LIPJ: variants seen among roughly 807,000 people sequenced by gnomAD.
The protein encoded by LIPJ is lipase member J.
LIPJ carries 33 observed loss-of-function variants against 39.8 expected under a neutral mutation model. That is an observed-to-expected ratio of 0.83 (90% confidence interval 0.63 to 1.11). LIPJ has a LOEUF of 1.11. Among genes scored for constraint, LIPJ ranks in the 50% least tolerant of loss-of-function variants. LIPJ has a pLI of 0.00. For missense variants in LIPJ, 422 were observed against 427.9 expected (o/e 0.99, Z 0.12); for synonymous variants, 128 against 139.2 (o/e 0.92, Z 0.57).
At chr10:88,592,854 G>A (rs1375961643) in intron 4 of LIPJ, 1 of 151,836 alleles carries the variant, frequency 6.6e-6, no homozygotes, top group Non-Finnish European at 1.5e-5. Context: ...TGCCTGATGA[G>A]CAATAGTAAA....
exon 6 of LIPJ, chr10:88,594,702 C>T: frequency 6.4e-7 from 1 of 1,563,554 alleles, no homozygotes; most frequent in Non-Finnish European, 8.7e-7. Flanking sequence ...CTTCCAGCCT[C>T]TATTGATTTC....
intron 2 of LIPJ, among the ~76,000 whole-genome samples, chr10:88,589,606 AT>A (rs1590073861): frequency 6.6e-6 from 1 of 151,806 alleles, no homozygotes; most frequent in Admixed American, 6.6e-5. Context: ...GATTTACATA[AT>A]TTTTTTCAAG....
downstream of LIPJ, chr10:88,606,994 A>AT (rs1851690962): frequency 7.5e-7 from 1 of 1,326,292 alleles, no homozygotes; most frequent in Non-Finnish European, 9.7e-7. Context: ...ATGTTCTTTC[A>AT]TTTTTAAAAC....
chr10:88,597,642 C>A (rs1398203656), intron 8 of LIPJ, among the ~76,000 whole-genome samples: 1 of 151,884 alleles, frequency 6.6e-6, no homozygotes, highest in Non-Finnish European at 1.5e-5. Context: ...AATTCCCAAA[C>A]ACATTTTTAT....
chr10:88,607,496 C>T (rs1265447974), downstream of LIPJ, among the ~76,000 whole-genome samples: 2 of 152,110 alleles, frequency 1.3e-5, no homozygotes, highest in African/African-American at 4.8e-5. Context: ...GGGAAGTTGC[C>T]TTTCCAGCCT....
chr10:88,623,045 T>C, the LIPJ span, among the ~76,000 whole-genome samples: 1 of 152,182 alleles, frequency 6.6e-6, no homozygotes. Flanking sequence ...TCCATCTACA[T>C]TGGAAACCAT....
At chr10:88,621,516 G>C in the LIPJ span, among the ~76,000 whole-genome samples, 1 of 152,160 alleles carries the variant, frequency 6.6e-6, no homozygotes, top group Non-Finnish European at 1.5e-5. Context: ...GATAAGAAGA[G>C]ATCTGGTTGA....
Position 88,590,644 on chromosome 10 carries a change from A to G in LIPJ, c.-44A>G. 4.0e-6 allele frequency: 6 copies of G among 1,517,310 alleles called. No homozygotes were observed. Among genetic ancestry groups the G allele is most frequent in the Middle Eastern group, 1.7e-4 (1 of 5,820 alleles). The allele number at this position is 1,517,310 out of a possible 1,614,324, so 94.0% of individuals were successfully genotyped here. ...TTTATCCGAATTCTTGGAATTACTC[A>G]TGGTGTCTTTCAAAATTAAAGATCT... On this transcript the variant is annotated 5_prime_UTR_variant, in exon 3 of 11. It removes an upstream start codon present in the reference 5' UTR. Transcript: ENST00000371939.
At chr10:88,594,726 C>T in exon 6 of LIPJ, 1 of 1,573,250 alleles carries the variant, frequency 6.4e-7, no homozygotes, top group Non-Finnish European at 8.6e-7. Context: ...GTGAAGCAAA[C>T]CAGACAAGAG....
chr10:88,597,744 A>T (rs986042320), intron 8 of LIPJ, among the ~76,000 whole-genome samples: 1 of 151,894 alleles, frequency 6.6e-6, no homozygotes, highest in Non-Finnish European at 1.5e-5. Flanking sequence ...CGTCTTTTCC[A>T]CCCATAAAGA....
chr10:88,616,149 C>T, the LIPJ span, among the ~76,000 whole-genome samples: 8 of 152,344 alleles, frequency 5.3e-5, no homozygotes, highest in South Asian at 2.1e-4. Flanking sequence ...AGTGATTAAA[C>T]AGCTAATGCA....
intron 8 of LIPJ, among the ~76,000 whole-genome samples, chr10:88,602,322 C>T (rs1343158212): frequency 6.6e-6 from 1 of 151,954 alleles, no homozygotes; most frequent in African/African-American, 2.4e-5. Flanking sequence ...GTGTCAGTCA[C>T]ATTTGATTGT....
the LIPJ span, among the ~76,000 whole-genome samples, chr10:88,623,038 A>G: frequency 1.2e-3 from 189 of 152,304 alleles, 1 homozygote; most frequent in African/African-American, 3.6e-3. Flanking sequence ...GATATGGTCC[A>G]TCTACATTGG....
intron 8 of LIPJ, among the ~76,000 whole-genome samples, chr10:88,598,894 C>A (rs1047560953): frequency 6.8e-6 from 1 of 146,962 alleles, no homozygotes; most frequent in African/African-American, 2.5e-5. Context: ...TAATTTATAC[C>A]TGAGTTTAAA....
chr10:88,583,965 C>T (rs1328131492), upstream of LIPJ: 2 of 153,890 alleles, frequency 1.3e-5, no homozygotes, highest in Non-Finnish European at 1.4e-5. Context: ...TTTCCCCCTC[C>T]TGACATTGTA....
upstream of LIPJ, among the ~76,000 whole-genome samples, chr10:88,586,191 C>T (rs565544888): frequency 3.3e-5 from 5 of 152,274 alleles, no homozygotes; most frequent in South Asian, 2.1e-4. Flanking sequence ...CTATGGTCAT[C>T]GAATGGAAAT....
At chr10:88,614,327 C>G in the LIPJ span, among the ~76,000 whole-genome samples, 1 of 151,966 alleles carries the variant, frequency 6.6e-6, no homozygotes, top group African/African-American at 2.4e-5. Context: ...CAAAATTAGC[C>G]ATGAATTGAT....
chr10:88,603,060 C>T (rs1851548998), intron 9 of LIPJ, among the ~76,000 whole-genome samples: 1 of 152,048 alleles, frequency 6.6e-6, no homozygotes, highest in Non-Finnish European at 1.5e-5. Context: ...CTGCTGCACT[C>T]CAGCCTGGGT....
At chr10:88,588,677 A>T (rs1015043472) in intron 2 of LIPJ, among the ~76,000 whole-genome samples, 1 of 151,964 alleles carries the variant, frequency 6.6e-6, no homozygotes, top group Non-Finnish European at 1.5e-5. Flanking sequence ...TTAACAATAC[A>T]GAAAATCTTA....
Sources: gnomAD v4.1 joint callset for allele counts (sites outside exome capture counted in the v4.1 genomes callset) on GRCh38, gnomAD v4.1.1 for gene constraint, MANE v1.5 for transcripts, NCBI Gene and HGNC (gene_info 2026-07-23, HGNC 2026-07-21) for gene names.